FILIP1: variants seen among roughly 807,000 people sequenced by gnomAD.
FILIP1 encodes the protein filamin-A-interacting protein 1.
In FILIP1, 61 loss-of-function variants were observed where a neutral mutation model predicts 102.1. The ratio of observed to expected loss-of-function variants is 0.60; its 90% CI spans 0.49 to 0.74. FILIP1 has a LOEUF of 0.74. Ranked by LOEUF, FILIP1 falls within the 30% of genes least tolerant of loss-of-function variation. The pLI, the probability that FILIP1 is intolerant of heterozygous loss-of-function variation, is 0.00. For missense variants in FILIP1, 1,314 were observed against 1,441.2 expected (o/e 0.91, Z 1.43); for synonymous variants, 491 against 526.9 (o/e 0.93, Z 0.93).
chr6:75,448,438 C>T (rs1025058163), intron 1 of FILIP1, among the ~76,000 whole-genome samples: 1 of 152,004 alleles, frequency 6.6e-6, no homozygotes, highest in Non-Finnish European at 1.5e-5. Flanking sequence ...AAGATAAATG[C>T]CTTACAAAGA....
At chr6:75,346,894 G>C (rs1418071919) in intron 4 of FILIP1, among the ~76,000 whole-genome samples, 1 of 152,200 alleles carries the variant, frequency 6.6e-6, no homozygotes, top group Admixed American at 6.5e-5. Flanking sequence ...ACATACTCCA[G>C]CTGGGTCACT....
chr6:75,423,467 C>A (rs1465802948), intron 1 of FILIP1, among the ~76,000 whole-genome samples: 1 of 152,118 alleles, frequency 6.6e-6, no homozygotes, highest in African/African-American at 2.4e-5. Context: ...CAAAGCCAAA[C>A]TTGCACCAAA....
chr6:75,449,241 CAT>C (rs1380894055), intron 1 of FILIP1, among the ~76,000 whole-genome samples: 2 of 152,064 alleles, frequency 1.3e-5, no homozygotes, highest in Non-Finnish European at 2.9e-5. Context: ...GAAAACCAAA[CAT>C]CGTATGTTCT....
At chr6:75,490,676 T>C (rs1779931346) in intron 1 of FILIP1, among the ~76,000 whole-genome samples, 1 of 151,768 alleles carries the variant, frequency 6.6e-6, no homozygotes, top group Admixed American at 6.6e-5. Context: ...CATGTGTGCA[T>C]GCATATATAC....
chr6:75,457,165 A>G (rs529709925), intron 1 of FILIP1, among the ~76,000 whole-genome samples: 3 of 152,330 alleles, frequency 2.0e-5, no homozygotes, highest in African/African-American at 7.2e-5. Flanking sequence ...GCCCCATGCT[A>G]TCATGAAGAC....
chr6:75,315,169 A>G lies in FILIP1; in HGVS notation c.663T>C (p.Tyr221=), dbSNP rs758746237. The change falls in exon 5 of 6, where the codon TAT becomes TAC. Residue 221 remains tyrosine (Y), a synonymous_variant. Transcript: ENST00000237172. ...CATTTTCCTTTTCTTTGCGGGCTTG[A>G]TAAGCCTTTTCTTGTTCAAGGAGCT... ...LKKLLEQEKA[Y]QARKEKENAK... is the part of the protein sequence containing the mutation. The G allele has an allele frequency of 6.3e-7, 1 of 1,575,786 alleles. No homozygotes were observed. The highest frequency in any genetic ancestry group is 1.4e-5 in the African/African-American group (1 of 72,846).
At chr6:75,323,200 G>C (rs931983959) in intron 4 of FILIP1, among the ~76,000 whole-genome samples, 3 of 152,092 alleles carry the variant, frequency 2.0e-5, no homozygotes, top group Non-Finnish European at 4.4e-5. Flanking sequence ...CCAGGTAAAT[G>C]AGTGGCATAG....
At position 75,372,797 on chromosome 6, in the gene FILIP1, G is replaced by GGAAAGAAAGAAGGAAA. The variant is rs1562516262; in HGVS notation, c.277-9881_277-9880insTTTCCTTCTTTCTTTC. On this transcript the variant is annotated intron_variant, in intron 2 of 5. Coordinates refer to ENST00000237172, the MANE Select transcript of FILIP1 (RefSeq NM_015687.5). Reference sequence around the variant, plus strand: ...AAGAAAGAAAGAAAGAAAGAAAGAAGGAAAGAAAGAAAGAAAAGAGTTGGT... The same window carrying GGAAAGAAAGAAGGAAA: ...AAGAAAGAAAGAAAGAAAGAAAGAAGGAAAGAAAGAAGGAAAGAAAGAAAGAAAGAAAAGAGTTGGT... Among the ~76,000 whole-genome samples, 147 of 41,518 alleles carry GGAAAGAAAGAAGGAAA rather than the reference G, an allele frequency of 3.5e-3. 23 individuals carry two copies. The highest frequency in any genetic ancestry group is 0.017 in the African/African-American group (139 of 8,194). The allele number at this position is 41,518 out of a possible 152,430, so 27.2% of individuals were successfully genotyped here.
At chr6:75,306,296 G>A (rs890574791), downstream of FILIP1, among the ~76,000 whole-genome samples, 1 of 152,148 alleles carries the variant, frequency 6.6e-6, no homozygotes, top group African/African-American at 2.4e-5. Flanking sequence ...AGCCTTCAGA[G>A]CACTCTCCTG....
At chr6:75,455,120 G>A (rs113480682) in intron 1 of FILIP1, 4,535 of 152,428 alleles carry the variant, frequency 0.03, 93 homozygotes, top group South Asian at 0.046. Context: ...GAGATTGGGG[G>A]GGTGGGGGGA....
chr6:75,349,390 C>T (rs899720436), intron 4 of FILIP1, among the ~76,000 whole-genome samples: 3 of 152,066 alleles, frequency 2.0e-5, no homozygotes, highest in African/African-American at 7.2e-5. Context: ...AATAAGCCGC[C>T]TGGAATGGAG....
At chr6:75,335,536 T>C (rs1276810842) in intron 4 of FILIP1, among the ~76,000 whole-genome samples, 1 of 152,056 alleles carries the variant, frequency 6.6e-6, no homozygotes, top group Non-Finnish European at 1.5e-5. Context: ...ATTCCTTTTT[T>C]CCTTCTCCCT....
intron 1 of FILIP1, among the ~76,000 whole-genome samples, chr6:75,457,817 T>C (rs1283852580): frequency 6.6e-6 from 1 of 152,174 alleles, no homozygotes; most frequent in Non-Finnish European, 1.5e-5. Context: ...TCAGGAACAT[T>C]TCCAAAAATC....
At chr6:75,391,882 G>A (rs1326132550) in intron 2 of FILIP1, among the ~76,000 whole-genome samples, 1 of 152,058 alleles carries the variant, frequency 6.6e-6, no homozygotes, top group Non-Finnish European at 1.5e-5. Flanking sequence ...CCCTAAGTGA[G>A]TGGGATTTCT....
chr6:75,293,819 C>G (rs1772600704), exon 7 of FILIP1: 1 of 152,048 alleles, frequency 6.6e-6, no homozygotes, highest in East Asian at 1.9e-4. Flanking sequence ...CAAACATTGG[C>G]AAATAGGATA....
chr6:75,304,424 C>T (rs1772925261), downstream of FILIP1, among the ~76,000 whole-genome samples: 1 of 152,100 alleles, frequency 6.6e-6, no homozygotes, highest in Admixed American at 6.6e-5. Flanking sequence ...CCATGTCATC[C>T]AGGCTGGTCT....
chr6:75,334,800 A>G (rs1298283220), intron 4 of FILIP1: 2 of 152,160 alleles, frequency 1.3e-5, no homozygotes, highest in Admixed American at 6.6e-5. Flanking sequence ...TGAAAGGTGA[A>G]TGTTGTGCAA....
chr6:75,454,424 C>A (rs923867930), intron 1 of FILIP1, among the ~76,000 whole-genome samples: 1 of 152,132 alleles, frequency 6.6e-6, no homozygotes, highest in Admixed American at 6.5e-5. Flanking sequence ...TTAGATTGGG[C>A]CCACTTGGAC....
chr6:75,304,283 C>T (rs900770104), downstream of FILIP1, among the ~76,000 whole-genome samples: 2 of 152,152 alleles, frequency 1.3e-5, no homozygotes, highest in Non-Finnish European at 2.9e-5. Flanking sequence ...GGCACTATCT[C>T]TCACTGTGAC....
Sources: allele counts gnomAD v4.1 joint callset (sites outside exome capture counted in the v4.1 genomes callset), GRCh38; gene constraint gnomAD v4.1.1; transcripts MANE v1.5; gene names NCBI Gene and HGNC (gene_info 2026-07-23, HGNC 2026-07-21).